TENM2: variants seen among roughly 807,000 people sequenced by gnomAD.
TENM2 encodes the protein teneurin-2.
TENM2 carries 52 observed loss-of-function variants against 245.2 expected under a neutral mutation model. That is an observed-to-expected ratio of 0.21 (90% confidence interval 0.17 to 0.27). TENM2 has a LOEUF of 0.27. TENM2 is among the 10% of genes least tolerant of loss of function. The pLI is 1.00. For synonymous variants in TENM2, 1,363 were observed against 1,438.9 expected, an observed-to-expected ratio of 0.95 and a Z score of 1.19; for missense variants, 3,046 against 3,666.8, an observed-to-expected ratio of 0.83 and a Z score of 4.37.
chr5:167,992,596 T>G (rs376987886), intron 4 of TENM2, among the ~76,000 whole-genome samples: 188 of 152,272 alleles, frequency 1.2e-3, no homozygotes, highest in African/African-American at 4.2e-3. Flanking sequence ...AAATAAAAGT[T>G]TTTTTAAAAA....
At chr5:166,985,549 T>G in the TENM2 span, among the ~76,000 whole-genome samples, 1 of 152,204 alleles carries the variant, frequency 6.6e-6, no homozygotes, top group African/African-American at 2.4e-5. Flanking sequence ...AATCTAATTT[T>G]TGTCTTCTCT....
chr5:167,689,599 G>T (rs1430649681), intron 2 of TENM2, among the ~76,000 whole-genome samples: 5 of 152,122 alleles, frequency 3.3e-5, no homozygotes, highest in African/African-American at 1.2e-4. Context: ...TATTTAAAAT[G>T]GCCTTTTCTC....
intron 5 of TENM2, among the ~76,000 whole-genome samples, chr5:168,003,053 A>G (rs1385299246): frequency 2.0e-5 from 3 of 152,216 alleles, no homozygotes; most frequent in Non-Finnish European, 4.4e-5. Flanking sequence ...CACAGCAGCA[A>G]TAGAAGGCAT....
intron 22 of TENM2, among the ~76,000 whole-genome samples, chr5:168,217,888 C>A (rs1374285640): frequency 6.6e-6 from 1 of 152,122 alleles, no homozygotes; most frequent in Non-Finnish European, 1.5e-5. Flanking sequence ...AGCTGATGGC[C>A]TGTTCTGGTC....
chr5:167,275,446 G>T, the TENM2 span, among the ~76,000 whole-genome samples: 1 of 151,954 alleles, frequency 6.6e-6, no homozygotes, highest in Non-Finnish European at 1.5e-5. Context: ...ATAACAATTT[G>T]GGGAGAATTG....
At chr5:167,866,369 A>G (rs1314981619) in intron 2 of TENM2, among the ~76,000 whole-genome samples, 1 of 152,042 alleles carries the variant, frequency 6.6e-6, no homozygotes, top group African/African-American at 2.4e-5. Flanking sequence ...GTGGTGGTGC[A>G]TGCCTATAAT....
At chr5:168,183,986 G>T (rs1760166247) in intron 13 of TENM2, among the ~76,000 whole-genome samples, 1 of 152,136 alleles carries the variant, frequency 6.6e-6, no homozygotes, top group African/African-American at 2.4e-5. Flanking sequence ...CCCTCACTTT[G>T]TCAATTCACC....
intron 2 of TENM2, among the ~76,000 whole-genome samples, chr5:167,762,065 C>T: frequency 6.6e-6 from 1 of 152,180 alleles, no homozygotes; most frequent in East Asian, 1.9e-4. Context: ...ACACATAGTT[C>T]TTGATTCTCA....
chr5:167,403,756 A>C (rs766644293), intron 2 of TENM2, among the ~76,000 whole-genome samples: 1 of 152,084 alleles, frequency 6.6e-6, no homozygotes, highest in Non-Finnish European at 1.5e-5. Flanking sequence ...CTATGTGATA[A>C]ATTATTCTGA....
intron 13 of TENM2, among the ~76,000 whole-genome samples, chr5:168,179,334 G>C (rs1156418486): frequency 6.6e-6 from 1 of 152,156 alleles, no homozygotes; most frequent in Non-Finnish European, 1.5e-5. Context: ...ATGCTGGCTG[G>C]ATCGAAGCAC....
chr5:168,100,700 C>T lies in TENM2; in HGVS notation c.1813+2573C>T, dbSNP rs188046408. Among the ~76,000 whole-genome samples the T allele has an allele frequency of 2.9e-3, 435 of 151,994 alleles. 1 individual carries two copies. Among genetic ancestry groups the T allele is most frequent in the African/African-American group, 9.9e-3 (412 of 41,428 alleles). The stretch of plus-strand genomic sequence containing the variant: ...GTTGAACAATGAGAACACATGGACA[C>T]AGGGAGGGGAACATCACACAGTGAG... On this transcript the variant is annotated intron_variant, in intron 9 of 28. Transcript: ENST00000518659.
chr5:167,048,525 A>G, the TENM2 span, among the ~76,000 whole-genome samples: 37 of 152,324 alleles, frequency 2.4e-4, no homozygotes, highest in Non-Finnish European at 2.2e-4. Context: ...GTGTGATGTC[A>G]ATATTAAGCA....
the TENM2 span, among the ~76,000 whole-genome samples, chr5:167,139,371 C>T: frequency 1.3e-5 from 2 of 152,302 alleles, no homozygotes; most frequent in South Asian, 4.1e-4. Flanking sequence ...TTATGGAGTA[C>T]ATTTTGTATG....
intron 2 of TENM2, among the ~76,000 whole-genome samples, chr5:167,618,875 C>G (rs1777971090): frequency 6.6e-6 from 1 of 152,098 alleles, no homozygotes; most frequent in Non-Finnish European, 1.5e-5. Context: ...AGTTTCTATA[C>G]TAGGAGTCCT....
At chr5:167,759,537 G>A (rs1472591761) in intron 2 of TENM2, among the ~76,000 whole-genome samples, 1 of 152,164 alleles carries the variant, frequency 6.6e-6, no homozygotes, top group African/African-American at 2.4e-5. Flanking sequence ...AGAGTTACAG[G>A]GGAAGTGGGG....
chr5:167,631,253 A>G (rs1778849938), intron 2 of TENM2, among the ~76,000 whole-genome samples: 1 of 152,164 alleles, frequency 6.6e-6, no homozygotes, highest in Non-Finnish European at 1.5e-5. Context: ...AAGATAATGA[A>G]ATAATAAAAC....
chr5:167,457,322 A>C (rs1765984888), intron 2 of TENM2, among the ~76,000 whole-genome samples: 1 of 147,586 alleles, frequency 6.8e-6, no homozygotes, highest in Non-Finnish European at 1.5e-5. Context: ...ATTTTATTTT[A>C]TTTTATTTTA....
At chr5:168,054,836 TG>T (rs2152068835) in intron 6 of TENM2, among the ~76,000 whole-genome samples, 1 of 152,338 alleles carries the variant, frequency 6.6e-6, no homozygotes, top group East Asian at 1.9e-4. Context: ...CCTGTAAAAT[TG>T]ATCATTAGAA....
intron 1 of TENM2, among the ~76,000 whole-genome samples, chr5:167,316,099 C>A (rs1756347414): frequency 6.6e-6 from 1 of 152,138 alleles, no homozygotes; most frequent in Non-Finnish European, 1.5e-5. Flanking sequence ...ACTCCCTGTT[C>A]TTTTTTATCA....
Sources: allele counts gnomAD v4.1 joint callset (sites outside exome capture counted in the v4.1 genomes callset), GRCh38; gene constraint gnomAD v4.1.1; transcripts MANE v1.5; gene names NCBI Gene and HGNC (gene_info 2026-07-23, HGNC 2026-07-21).